Variants in EPC1 observed in about 807,000 individuals in gnomAD.
The protein encoded by EPC1 is enhancer of polycomb homolog 1.
A neutral mutation model predicts 98.4 loss-of-function variants in EPC1; 12 were observed. That is an observed-to-expected ratio of 0.12 (90% CI 0.08 to 0.20). The LOEUF (loss-of-function observed/expected upper bound fraction) is 0.20. Ranked by LOEUF, EPC1 falls within the 10% of genes least tolerant of loss-of-function variation. EPC1 has a pLI of 1.00. For missense variants in EPC1, 729 were observed against 990.5 expected (o/e 0.74, Z 3.54); for synonymous variants, 357 against 363.9 (o/e 0.98, Z 0.21).
intron 11 of EPC1, 88 bp from the exon 12 acceptor site, chr10:32,272,255 G>T: frequency 8.9e-7 from 1 of 1,122,878 alleles, no homozygotes; most frequent in Non-Finnish European, 1.2e-6. Context: ...AAATCAGTTT[G>T]AATATAAGTA....
chr10:32,288,312 CTTTTTTTTTTT>C (rs5784278), intron 6 of EPC1, among the ~76,000 whole-genome samples: 6 of 124,102 alleles, frequency 4.8e-5, no homozygotes, highest in African/African-American at 1.3e-4. Flanking sequence ...TTACTTTTTT[CTTTTTTTTTTT>C]TTTTTTTTTG....
At chr10:32,342,284 T>C (rs955173053) in intron 1 of EPC1, among the ~76,000 whole-genome samples, 64 of 152,224 alleles carry the variant, frequency 4.2e-4, no homozygotes, top group African/African-American at 1.4e-3. Context: ...ACTAAAAATA[T>C]TGGTTTAAAA....
At chr10:32,355,605 C>T (rs1839247512) in intron 1 of EPC1, among the ~76,000 whole-genome samples, 1 of 128,812 alleles carries the variant, frequency 7.8e-6, no homozygotes, top group Admixed American at 9.4e-5. Context: ...TAGTGCCTTA[C>T]CCTTTTTTTT....
chr10:32,305,700 A>G (rs1835838718), intron 2 of EPC1, 72 bp downstream of exon 2: 8 of 1,306,866 alleles, frequency 6.1e-6, no homozygotes, highest in Non-Finnish European at 8.1e-6. Flanking sequence ...GCTCCTGAAG[A>G]GATAAAAATC....
chr10:32,368,498 G>A (rs77877305), intron 1 of EPC1, among the ~76,000 whole-genome samples: 4,134 of 152,230 alleles, frequency 0.027, 180 homozygotes, highest in African/African-American at 0.093. Context: ...CAAGGTTCCA[G>A]TCAAAACTAC....
At chr10:32,312,300 TA>T in intron 1 of EPC1, among the ~76,000 whole-genome samples, 2 of 152,320 alleles carry the variant, frequency 1.3e-5, no homozygotes, top group Middle Eastern at 6.8e-3. Context: ...CCACACTTTA[TA>T]AAACAGAATA....
intron 1 of EPC1, among the ~76,000 whole-genome samples, chr10:32,340,747 T>G (rs575314643): frequency 6.6e-6 from 1 of 152,220 alleles, no homozygotes; most frequent in South Asian, 2.1e-4. Context: ...CTGCTTGAGC[T>G]AGGGAGGTTG....
chr10:32,378,523 G>GA (rs1283461363), exon 1 of EPC1: 143 of 1,530,712 alleles, frequency 9.3e-5, no homozygotes, highest in Non-Finnish European at 1.1e-4. Context: ...GGCAGTTCTT[G>GA]AAAAAAAATT....
chr10:32,375,275 A>G (rs1373241498), intron 1 of EPC1, among the ~76,000 whole-genome samples: 2 of 152,072 alleles, frequency 1.3e-5, no homozygotes, highest in Admixed American at 1.3e-4. Context: ...GTTCATTCCA[A>G]GGTAGATTAG....
At chr10:32,279,255 G>A (rs1435144913) in intron 10 of EPC1, among the ~76,000 whole-genome samples, 1 of 151,926 alleles carries the variant, frequency 6.6e-6, no homozygotes, top group East Asian at 1.9e-4. Flanking sequence ...AGGCTGAGGT[G>A]GGAGAATCGC....
chr10:32,321,350 C>T (rs1592594413), intron 1 of EPC1, among the ~76,000 whole-genome samples: 1 of 151,886 alleles, frequency 6.6e-6, no homozygotes, highest in South Asian at 2.1e-4. Context: ...TAATATAGAT[C>T]TGTTTTTTTT....
chr10:32,350,382 C>T (rs954412400), upstream of EPC1, among the ~76,000 whole-genome samples: 1 of 152,188 alleles, frequency 6.6e-6, no homozygotes, highest in South Asian at 2.1e-4. Flanking sequence ...TAGGTCCCAT[C>T]TGGGTTGATC....
intron 13 of EPC1, among the ~76,000 whole-genome samples, chr10:32,270,797 G>C (rs1170157265): frequency 8.0e-6 from 1 of 124,764 alleles, no homozygotes; most frequent in Non-Finnish European, 1.6e-5. Flanking sequence ...ACTCCAGCCT[G>C]GGCAACAGAG....
chr10:32,345,744 A>C, intron 1 of EPC1: 1 of 465,144 alleles, frequency 2.1e-6, no homozygotes, highest in Non-Finnish European at 2.8e-6. Flanking sequence ...GCTGAAACCC[A>C]CCCAATTTAG....
rs188181550 is a variant in EPC1 at position 32,352,202 on chromosome 10, G to A, written c.3+26289C>T. Among the ~76,000 whole-genome samples, 14 of 151,326 alleles carry A rather than the reference G, an allele frequency of 9.3e-5. No individual in the cohort carries two copies. The East Asian group carries it at 2.7e-3, about 29-fold the overall frequency. On this transcript the variant is annotated intron_variant, in intron 1 of 13. Transcript: ENST00000375110. Reference sequence around the variant, plus strand: ...TGGGACTACAGGCACCTGCCACCACGCCCGGCTAATTTTTTTTTTAATTTT... The same window carrying A: ...TGGGACTACAGGCACCTGCCACCACACCCGGCTAATTTTTTTTTTAATTTT...
intron 1 of EPC1, among the ~76,000 whole-genome samples, chr10:32,340,876 CCTTGT>C (rs1838297454): frequency 6.6e-6 from 1 of 151,908 alleles, no homozygotes; most frequent in African/African-American, 2.4e-5. Context: ...CATTTGAATC[CCTTGT>C]CTTCTCATTG....
intron 1 of EPC1, among the ~76,000 whole-genome samples, chr10:32,357,808 T>C (rs1411284110): frequency 6.6e-6 from 1 of 151,820 alleles, no homozygotes; most frequent in Non-Finnish European, 1.5e-5. Flanking sequence ...TTTTACAATA[T>C]AGAGATAATA....
intron 1 of EPC1, among the ~76,000 whole-genome samples, chr10:32,309,736 C>G (rs1836097203): frequency 6.7e-6 from 1 of 148,170 alleles, no homozygotes; most frequent in Non-Finnish European, 1.5e-5. Flanking sequence ...TAGCCTCATA[C>G]TGCATTTTAT....
intron 1 of EPC1, among the ~76,000 whole-genome samples, chr10:32,326,212 C>T (rs191704013): frequency 1.3e-5 from 2 of 152,236 alleles, no homozygotes; most frequent in East Asian, 3.9e-4. Flanking sequence ...TAGAGTTGTT[C>T]ATCAAAATTT....
Sources: allele counts gnomAD v4.1 joint callset (sites outside exome capture counted in the v4.1 genomes callset), GRCh38; gene constraint gnomAD v4.1.1; transcripts MANE v1.5; gene names NCBI Gene and HGNC (gene_info 2026-07-23, HGNC 2026-07-21).